Variants in ADAMTSL1 observed in about 807,000 individuals in gnomAD.
The protein encoded by ADAMTSL1 is ADAMTS-like protein 1.
ADAMTSL1 carries 126 observed loss-of-function variants against 201.8 expected under a neutral mutation model. That is an observed-to-expected ratio of 0.62 (90% CI 0.54 to 0.72). ADAMTSL1 has a LOEUF of 0.72. ADAMTSL1 is among the 30% of genes least tolerant of loss of function. ADAMTSL1 has a pLI of 0.00. For missense variants in ADAMTSL1, 2,679 were observed against 2,277.8 expected, an observed-to-expected ratio of 1.18 and a Z score of -3.59; for synonymous variants, 1,121 against 903.4, an observed-to-expected ratio of 1.24 and a Z score of -4.32.
At chr9:18,697,136 C>G (rs1332557219) in intron 13 of ADAMTSL1, among the ~76,000 whole-genome samples, 1 of 151,810 alleles carries the variant, frequency 6.6e-6, no homozygotes, top group African/African-American at 2.4e-5. Context: ...CCCACCTCAG[C>G]CCCCCCAAGT....
At chr9:18,774,418 AATT>A (rs1410006493) in intron 17 of ADAMTSL1, among the ~76,000 whole-genome samples, 4 of 151,796 alleles carry the variant, frequency 2.6e-5, no homozygotes, top group Non-Finnish European at 5.9e-5. Flanking sequence ...CCTACACTGA[AATT>A]ATTATCTTTT....
intron 2 of ADAMTSL1, among the ~76,000 whole-genome samples, chr9:18,399,799 A>G (rs906249871): frequency 9.2e-5 from 14 of 152,318 alleles, no homozygotes; most frequent in African/African-American, 3.4e-4. Flanking sequence ...TTCCAAGACA[A>G]AAACCAGGGT....
chr9:18,819,502 A>C (rs946974557), intron 21 of ADAMTSL1, among the ~76,000 whole-genome samples: 2 of 151,742 alleles, frequency 1.3e-5, no homozygotes, highest in African/African-American at 4.8e-5. Context: ...AAACAAGGAA[A>C]TGGGCATTTA....
chr9:18,418,714 A>G (rs117449377), intron 2 of ADAMTSL1, among the ~76,000 whole-genome samples: 1 of 152,342 alleles, frequency 6.6e-6, no homozygotes, highest in Non-Finnish European at 1.5e-5. Flanking sequence ...AAATGGAAAG[A>G]CATACCTTAT....
chr9:18,447,459 C>G (rs1820235821), intron 2 of ADAMTSL1, among the ~76,000 whole-genome samples: 1 of 152,064 alleles, frequency 6.6e-6, no homozygotes, highest in African/African-American at 2.4e-5. Context: ...AGAGCCAAAC[C>G]TGTGGGGAAG....
rs753689638 is a variant in ADAMTSL1 at position 18,041,307 on chromosome 9, A to G, written c.88-122555A>G. On this transcript the variant is annotated intron_variant, in intron 1 of 29. Coordinates refer to the ADAMTSL1 transcript ENST00000680146. The stretch of plus-strand genomic sequence containing the variant: ...TGCAAGAAGTGAAGCAAGAACTATT[A>G]ATGTGTTAGTTGTATTAGAAGAGTT... 7.0e-4 allele frequency among the ~76,000 whole-genome samples: 106 copies of G among 152,184 alleles called. 2 individuals carry two copies. Among genetic ancestry groups the G allele is most frequent in the Non-Finnish European group, 6.3e-4 (43 of 68,026 alleles).
chr9:18,034,857 T>C (rs776707694), intron 1 of ADAMTSL1, among the ~76,000 whole-genome samples: 6 of 152,188 alleles, frequency 3.9e-5, no homozygotes, highest in Non-Finnish European at 7.3e-5. Context: ...TGTATTCGTC[T>C]CTGAGCTGAA....
intron 2 of ADAMTSL1, among the ~76,000 whole-genome samples, chr9:18,426,177 GA>G (rs10719241): frequency 0.063 from 9,515 of 151,996 alleles, 905 homozygotes; most frequent in African/African-American, 0.21. Context: ...ACTTGGTTAA[GA>G]AAAAAATCCC....
chr9:18,559,906 G>A (rs2132272351), intron 3 of ADAMTSL1, among the ~76,000 whole-genome samples: 1 of 152,210 alleles, frequency 6.6e-6, no homozygotes, highest in East Asian at 1.9e-4. Flanking sequence ...AGGAGATTTG[G>A]GTCTGAGACA....
At chr9:18,705,852 T>A (rs1832197388) in intron 13 of ADAMTSL1, among the ~76,000 whole-genome samples, 1 of 152,190 alleles carries the variant, frequency 6.6e-6, no homozygotes, top group Non-Finnish European at 1.5e-5. Flanking sequence ...GTTATCAGTA[T>A]CAGTCTGCTA....
intron 2 of ADAMTSL1, among the ~76,000 whole-genome samples, chr9:18,232,381 A>G (rs1830675630): frequency 6.6e-6 from 1 of 152,072 alleles, no homozygotes; most frequent in African/African-American, 2.4e-5. Flanking sequence ...GCCATATTCA[A>G]ATTATAACTT....
chr9:18,151,749 G>A (rs1826925298), intron 1 of ADAMTSL1, among the ~76,000 whole-genome samples: 1 of 151,912 alleles, frequency 6.6e-6, no homozygotes, highest in South Asian at 2.1e-4. Context: ...AACACATGTG[G>A]CCCAAAACAC....
At chr9:18,468,666 C>T (rs1821095876) in intron 2 of ADAMTSL1, among the ~76,000 whole-genome samples, 1 of 152,320 alleles carries the variant, frequency 6.6e-6, no homozygotes, top group Non-Finnish European at 1.5e-5. Context: ...CCTTAAATCC[C>T]TTCGAGTAAT....
At chr9:18,269,441 A>C (rs747079426) in intron 2 of ADAMTSL1, among the ~76,000 whole-genome samples, 1 of 152,198 alleles carries the variant, frequency 6.6e-6, no homozygotes, top group Non-Finnish European at 1.5e-5. Context: ...AGTTCTAAGA[A>C]GATATATAAC....
rs757876583 is a variant in ADAMTSL1 at position 18,706,911 on chromosome 9, C to G, written c.1739C>G (p.Ala580Gly). ...PKPASQRACY[A>G]GPCSGEIPEF... ...CCAGCATCCCAGCGTGCCTGTTATGCAGGCCCATGCAGCGGGGAAATTCCT... is the reference window on the plus strand; with the variant it reads ...CCAGCATCCCAGCGTGCCTGTTATGGAGGCCCATGCAGCGGGGAAATTCCT... The change falls in exon 14 of 29, where the codon GCA becomes GGA. Residue 580 changes from alanine (A) to glycine (G), a missense_variant. By Grantham distance (60) the Ala-to-Gly change is moderately conservative. Coordinates refer to ENST00000380548, the MANE Select transcript of ADAMTSL1 (RefSeq NM_001040272.6). 2.7e-5 allele frequency: 44 copies of G among 1,613,840 alleles called. No individual in the cohort carries two copies. The highest frequency in any genetic ancestry group is 5.1e-6 in the Non-Finnish European group (6 of 1,179,872).
At chr9:18,145,279 T>A (rs552190667) in intron 1 of ADAMTSL1, among the ~76,000 whole-genome samples, 2 of 152,320 alleles carry the variant, frequency 1.3e-5, no homozygotes, top group South Asian at 4.1e-4. Context: ...TTATGCACAA[T>A]TGCTGTGACC....
intron 2 of ADAMTSL1, among the ~76,000 whole-genome samples, chr9:18,258,090 T>G (rs1831762923): frequency 1.3e-5 from 2 of 152,136 alleles, no homozygotes. Context: ...GCTGCTAAGT[T>G]GTACTCTTAA....
chr9:18,734,329 T>G (rs1210310338), intron 15 of ADAMTSL1, among the ~76,000 whole-genome samples: 1 of 152,192 alleles, frequency 6.6e-6, no homozygotes, highest in Non-Finnish European at 1.5e-5. Flanking sequence ...GTTCTCACCT[T>G]TTTTCCTGAA....
intron 2 of ADAMTSL1, among the ~76,000 whole-genome samples, chr9:18,303,857 T>A (rs561102067): frequency 6.6e-6 from 1 of 152,304 alleles, no homozygotes; most frequent in South Asian, 2.1e-4. Flanking sequence ...ATATCCTGCT[T>A]TTCTCTTCTG....
Sources: gnomAD v4.1 joint callset for allele counts (sites outside exome capture counted in the v4.1 genomes callset) on GRCh38, gnomAD v4.1.1 for gene constraint, MANE v1.5 for transcripts, NCBI Gene and HGNC (gene_info 2026-07-23, HGNC 2026-07-21) for gene names.